Variants in ACTA2 observed in about 807,000 individuals in gnomAD.
The protein encoded by ACTA2 is actin, aortic smooth muscle.
Under a neutral mutation model 39.5 loss-of-function variants are expected in ACTA2, and 12 were observed. The observed-to-expected ratio is 0.30, with a 90% CI of 0.19 to 0.49. The LOEUF is 0.49. Among genes scored for constraint, ACTA2 ranks in the 20% least tolerant of loss-of-function variants. ACTA2 has a pLI of 0.99. For synonymous variants in ACTA2, 158 were observed against 180.6 expected (o/e 0.88, Z 1.00); for missense variants, 236 against 498.8 (o/e 0.47, Z 5.02).
At chr10:88,974,446 G>T (rs906307270) in intron 1 of ACTA2, 1 of 152,230 alleles carries the variant, frequency 6.6e-6, no homozygotes, top group African/African-American at 2.4e-5. Context: ...AATTGCTAGA[G>T]AATGCAATTT....
chr10:88,938,822 G>A lies in ACTA2; in HGVS notation c.809-580C>T, dbSNP rs949584130. Among the ~76,000 whole-genome samples the A allele has an allele frequency of 7.9e-5, 12 of 151,746 alleles. No individual in the cohort carries two copies. In the South Asian group the frequency reaches 2.5e-3, roughly 32 times the overall value. On this transcript the variant is annotated intron_variant, in intron 7 of 8. Coordinates refer to ENST00000224784, the MANE Select transcript of ACTA2 (RefSeq NM_001613.4). ...TCTAGGTGCCCTTTCATCTTCTGCAGTGCTGTGATGTAATGATAACGTTAA... is the reference window on the plus strand; with the variant it reads ...TCTAGGTGCCCTTTCATCTTCTGCAATGCTGTGATGTAATGATAACGTTAA...
At chr10:88,965,971 C>A (rs976291628) in intron 1 of ACTA2, among the ~76,000 whole-genome samples, 2 of 152,104 alleles carry the variant, frequency 1.3e-5, no homozygotes, top group African/African-American at 4.8e-5. Context: ...TAAAGCATGG[C>A]CTGAATTTAC....
chr10:88,990,390 G>A lies in ACTA2; in HGVS notation c.-24+549C>T, dbSNP rs1847088110. The A allele has an allele frequency of 2.3e-6, 1 of 430,736 alleles. No individual in the cohort carries two copies. The highest frequency in any genetic ancestry group is 3.3e-5 in the Admixed American group (1 of 29,902). The allele number at this position is 430,736 out of a possible 1,614,324, so 26.7% of individuals were successfully genotyped here. A position where few individuals can be genotyped will look rare whatever the true frequency, so the allele number is the denominator to read the frequency against. On this transcript the variant is annotated intron_variant, in intron 1 of 4. Transcript: ENST00000415557. This position sits in a 1 kb window ranked among gnomAD's most constrained non-coding sequence, Gnocchi z 4.9. ...CTTCCCAGGTTGAACTACAGCAGAA[G>A]CCTTTAGAAAGGGCAGGAGGCCGGC...
intron 5 of ACTA2, among the ~76,000 whole-genome samples, 197 bp downstream of exon 5, chr10:88,941,588 A>G (rs1845853741): frequency 6.6e-6 from 1 of 152,098 alleles, no homozygotes; most frequent in Admixed American, 6.5e-5. Flanking sequence ...GGAAGAGGAA[A>G]ACAGTAGAAA....
intron 5 of ACTA2, 107 bp downstream of exon 5, chr10:88,941,678 T>C: frequency 9.5e-7 from 1 of 1,049,332 alleles, no homozygotes; most frequent in Non-Finnish European, 1.4e-6. Context: ...TTCAGCCGTG[T>C]CCATTCTAAC....
Position 88,990,841 on chromosome 10 carries a change from G to C in ACTA2, c.-24+98C>G. Reference sequence around the variant, plus strand: ...GTGGACCCGCTCAGTACGGAGTTGGGGAAGCTCTTTCACTTCGGAGGATTG... The same window carrying C: ...GTGGACCCGCTCAGTACGGAGTTGGCGAAGCTCTTTCACTTCGGAGGATTG... On this transcript the variant is annotated intron_variant, in intron 1 of 4. Transcript: ENST00000415557. The surrounding 1 kb of genome is among the most constrained non-coding windows in gnomAD (Gnocchi z 4.9). 6.2e-7 allele frequency: 1 copy of C among 1,614,220 alleles called. No homozygotes were observed. Among genetic ancestry groups the C allele is most frequent in the Non-Finnish European group, 8.5e-7 (1 of 1,180,030 alleles).
At chr10:88,984,970 G>A (rs1846833437) in intron 1 of ACTA2, among the ~76,000 whole-genome samples, 1 of 152,196 alleles carries the variant, frequency 6.6e-6, no homozygotes, top group African/African-American at 2.4e-5. Flanking sequence ...GAGGAGGAAA[G>A]CAGTATAGGT....
chr10:88,978,265 G>A (rs1210805974), intron 1 of ACTA2, among the ~76,000 whole-genome samples: 1 of 114,196 alleles, frequency 8.8e-6, no homozygotes, highest in Admixed American at 9.8e-5. Context: ...GGGGGGAGGG[G>A]GGAGGGATAG....
chr10:88,964,887 T>C (rs375670693), intron 1 of ACTA2, among the ~76,000 whole-genome samples: 13 of 152,278 alleles, frequency 8.5e-5, no homozygotes, highest in African/African-American at 3.1e-4. Flanking sequence ...CTGTTTTTCC[T>C]CTGCCCTCCT....
At chr10:88,973,550 TTG>T in intron 1 of ACTA2, 1 of 367,216 alleles carries the variant, frequency 2.7e-6, no homozygotes, top group Non-Finnish European at 4.8e-6. Context: ...GGATGCAATG[TTG>T]TGTTTGTCAC....
At chr10:88,950,452 T>C (rs1846029022) in intron 1 of ACTA2, among the ~76,000 whole-genome samples, 1 of 152,208 alleles carries the variant, frequency 6.6e-6, no homozygotes, top group Non-Finnish European at 1.5e-5. Context: ...AAATCAAACC[T>C]GCATCTTGCC....
chr10:88,985,563 C>A (rs1846854596), intron 1 of ACTA2, among the ~76,000 whole-genome samples: 1 of 152,200 alleles, frequency 6.6e-6, no homozygotes, highest in African/African-American at 2.4e-5. Flanking sequence ...TCCCTGTAGT[C>A]CTCCCTGCCC....
chr10:88,958,123 G>C (rs1846167683), intron 1 of ACTA2, among the ~76,000 whole-genome samples: 1 of 152,112 alleles, frequency 6.6e-6, no homozygotes, highest in South Asian at 2.1e-4. Context: ...CTTTGTGTTT[G>C]CCTCTCTCGT....
intron 8 of ACTA2, among the ~76,000 whole-genome samples, chr10:88,937,711 A>T (rs1397089296): frequency 1.3e-5 from 2 of 152,200 alleles, no homozygotes; most frequent in East Asian, 1.9e-4. Flanking sequence ...CAGTATTTTT[A>T]AAAAATGTGT....
intron 1 of ACTA2, among the ~76,000 whole-genome samples, chr10:88,952,261 ATTC>A (rs1461701883): frequency 2.6e-5 from 4 of 152,236 alleles, no homozygotes; most frequent in African/African-American, 4.8e-5. Context: ...CTAGGCAACT[ATTC>A]TTCTGTTCAC....
At chr10:88,977,566 G>A (rs78412182) in intron 1 of ACTA2, among the ~76,000 whole-genome samples, 6 of 151,334 alleles carry the variant, frequency 4.0e-5, no homozygotes, top group South Asian at 2.1e-4. Flanking sequence ...AAAACAAACA[G>A]CCCCATCAAA....
intron 1 of ACTA2, among the ~76,000 whole-genome samples, chr10:88,968,107 C>CTGTGTT (rs1241381435): frequency 1.3e-5 from 2 of 151,920 alleles, no homozygotes; most frequent in African/African-American, 4.8e-5. Context: ...CTATTCAATT[C>CTGTGTT]AGTAGTTTCT....
intron 1 of ACTA2, among the ~76,000 whole-genome samples, chr10:88,988,368 G>A (rs73368839): frequency 0.04 from 6,033 of 150,242 alleles, 403 homozygotes; most frequent in African/African-American, 0.14. Flanking sequence ...TAAACATTAG[G>A]ACCAAAGGGG....
At chr10:88,972,587 G>T in intron 1 of ACTA2, among the ~76,000 whole-genome samples, 1 of 149,848 alleles carries the variant, frequency 6.7e-6, no homozygotes, top group Non-Finnish European at 1.5e-5. Context: ...TTATCTATTA[G>T]CTTTTTAACT....
Sources: gnomAD v4.1 joint callset for allele counts (sites outside exome capture counted in the v4.1 genomes callset) on GRCh38, gnomAD v4.1.1 for gene constraint, Gnocchi (gnomAD v3.1) non-coding constraint, MANE v1.5 for transcripts, NCBI Gene and HGNC (gene_info 2026-07-23, HGNC 2026-07-21) for gene names.